The following MFRP variants were observed in gnomAD, a reference collection of about 807,000 sequenced individuals.
MFRP encodes C1q and TNF related 5.
Under a neutral mutation model 65.8 loss-of-function variants are expected in MFRP, and 74 were observed. The observed-to-expected ratio is 1.12, with a 90% CI of 0.93 to 1.36. The LOEUF (loss-of-function observed/expected upper bound fraction) is 1.36. Among genes scored for constraint, MFRP ranks in the 40% most tolerant of loss-of-function variants. The pLI is 0.00. For synonymous variants in MFRP, 336 were observed against 288.3 expected (o/e 1.17, Z -1.68); for missense variants, 838 against 736.0 (o/e 1.14, Z -1.60).
chr11:119,340,328 T>C lies in MFRP; in HGVS notation c.*966A>G. 6.5e-7 allele frequency: 1 copy of C among 1,542,784 alleles called. No individual in the cohort carries two copies. The highest frequency in any genetic ancestry group is 8.7e-7 in the Non-Finnish European group (1 of 1,144,874). On this transcript the variant is annotated 3_prime_UTR_variant, in exon 14 of 15. Transcript: ENST00000619721. The stretch of plus-strand genomic sequence containing the variant: ...GGGTGCCCCGGGCAGAGGCTGGGGA[T>C]CTTGTTGTCGTCCAGTGGGGGCGAG...
chr11:119,342,800 AG>A (rs1950516311), intron 10 of MFRP, 72 bp downstream of exon 10: 1 of 1,612,996 alleles, frequency 6.2e-7, no homozygotes, highest in Non-Finnish European at 8.5e-7. Flanking sequence ...TGTCCTGACC[AG>A]GGTCCAGAGC....
chr11:119,344,343 C>T lies in MFRP; in HGVS notation c.947G>A (p.Ser316Asn). 1.2e-6 allele frequency: 2 copies of T among 1,613,954 alleles called. No individual in the cohort carries two copies. Among genetic ancestry groups the T allele is most frequent in the Non-Finnish European group, 1.7e-6 (2 of 1,179,992 alleles). ...TGLQGTFSTPSYLQQYPHQLL... is the reference protein window; with the variant it reads ...TGLQGTFSTPNYLQQYPHQLL... ...TTGGTGAGGGTACTGCTGCAGGTAG[C>T]TGGGAGTAGAGAAAGTGCCCTGGAG... Residue 316 changes from serine (S) to asparagine (N), a missense_variant, in exon 8 of 15, where the codon AGC (serine) becomes AAC (asparagine). Ser to Asn is a conservative substitution (Grantham distance 46, BLOSUM62 1). Coordinates refer to ENST00000619721, the MANE Select transcript of MFRP (RefSeq NM_031433.4).
rs1168486713 is a variant in MFRP at position 119,344,791 on chromosome 11, G to A, written c.773-34C>T. ...GGGCACCAGGAGTCAGGGAGGCCCG[G>A]AGTCTCCACCCCTTTGACAGGACTG... On this transcript the variant is annotated intron_variant, in intron 6 of 14. Coordinates refer to ENST00000619721, the MANE Select transcript of MFRP (RefSeq NM_031433.4). The A allele has an allele frequency of 2.5e-6, 4 of 1,613,814 alleles. 1 individual carries two copies. The highest frequency in any genetic ancestry group is 3.3e-5 in the Admixed American group (2 of 60,030).
At position 119,339,171 on chromosome 11, in the gene MFRP, C is replaced by A; in HGVS notation, c.*1788G>T. On this transcript the variant is annotated 3_prime_UTR_variant, in exon 15 of 15. Coordinates refer to ENST00000619721, the MANE Select transcript of MFRP (RefSeq NM_031433.4). The surrounding 1 kb of genome is among the most constrained non-coding windows in gnomAD (Gnocchi z 5.4). ...TGCCAGACCTGATCGCAGACAGCCACTGTTCCCATTCCTTGCCAGCAGCAG... is the reference window on the plus strand; with the variant it reads ...TGCCAGACCTGATCGCAGACAGCCAATGTTCCCATTCCTTGCCAGCAGCAG... 1 of 786,444 alleles carries A rather than the reference C, an allele frequency of 1.3e-6. No individual in the cohort carries two copies. The highest frequency in any genetic ancestry group is 2.0e-6 in the Non-Finnish European group (1 of 503,740). The allele number at this position is 786,444 out of a possible 1,614,324, so 48.7% of individuals were successfully genotyped here.
intron 9 of MFRP, 30 bp downstream of exon 9, chr11:119,343,786 T>G (rs775758866): frequency 1.9e-6 from 3 of 1,612,376 alleles, no homozygotes; most frequent in Non-Finnish European, 2.5e-6. Flanking sequence ...GAGGATGGAG[T>G]TATCCATGGC....
At position 119,343,936 on chromosome 11, in the gene MFRP, G is replaced by A. The variant is rs1451912156; in HGVS notation, c.1004C>T (p.Ala335Val). ...GAACTGTAGTTCTATGCTGTGTCCG[G>A]CAGGCACCGAGATATGCCAGGTGCA... is the stretch of plus-strand genomic sequence containing the variant. Reference protein sequence around the residue: ...LLCTWHISVPAGHSIELQFHN... With the variant: ...LLCTWHISVPVGHSIELQFHN... Residue 335 changes from alanine to valine, a missense_variant, in exon 9 of 15, where the codon GCC (alanine) becomes GTC (valine). By Grantham distance (64) the Ala-to-Val change is moderately conservative (BLOSUM62 0). Transcript: ENST00000619721. 1 of 1,613,484 alleles carries A rather than the reference G, an allele frequency of 6.2e-7. No homozygotes were observed. Among genetic ancestry groups the A allele is most frequent in the Non-Finnish European group, 8.5e-7 (1 of 1,179,996 alleles).
At chr11:119,343,986 G>C in intron 8 of MFRP, 22 bp from the exon 9 acceptor site, 1 of 1,610,202 alleles carries the variant, frequency 6.2e-7, no homozygotes, top group East Asian at 2.2e-5. Flanking sequence ...CATAGGTGGA[G>C]CAATTCATGG....
At position 119,342,582 on chromosome 11, in the gene MFRP, G is replaced by A; in HGVS notation, c.1387+14C>T. The A allele has an allele frequency of 1.2e-6, 2 of 1,612,774 alleles. No homozygotes were observed. Among genetic ancestry groups the A allele is most frequent in the South Asian group, 1.1e-5 (1 of 91,018 alleles). On this transcript the variant is annotated intron_variant, in intron 11 of 14. Transcript: ENST00000619721. ...ACCCAGCCTGCTCAGGGTCCCCAGGGGCAGGCTTCTCACCTGGGGGTGGGA... is the reference window on the plus strand; with the variant it reads ...ACCCAGCCTGCTCAGGGTCCCCAGGAGCAGGCTTCTCACCTGGGGGTGGGA...
intron 8 of MFRP, 81 bp downstream of exon 8, chr11:119,344,234 A>T (rs1172603761): frequency 2.3e-6 from 3 of 1,323,504 alleles, no homozygotes; most frequent in East Asian, 4.6e-5. Context: ...AGTGTCTACC[A>T]TGCCATTCCC....
At chr11:119,345,360 T>C (rs1950551419) in intron 5 of MFRP, 60 bp downstream of exon 5, 1 of 1,545,978 alleles carries the variant, frequency 6.5e-7, no homozygotes, top group Non-Finnish European at 8.9e-7. Flanking sequence ...ACTCCCTGAT[T>C]CTGCTCTTTA....
chr11:119,341,488 G>C lies in MFRP; in HGVS notation c.*60C>G. On this transcript the variant is annotated 3_prime_UTR_variant, in exon 13 of 15. Transcript: ENST00000619721. ...GATGCTCCTTCCTTTGTTCCCCTGC[G>C]TGCCAGCCCTGACCGGCAAAAGAGG... The C allele has an allele frequency of 7.1e-7, 1 of 1,410,740 alleles. No homozygotes were observed. Among genetic ancestry groups the C allele is most frequent in the East Asian group, 2.3e-5 (1 of 43,808 alleles). 87.4% of individuals were successfully genotyped at this position (1,410,740 alleles called of 1,614,324 possible). A position where few individuals can be genotyped will look rare whatever the true frequency, so the allele number is the denominator to read the frequency against.
rs369566448 is a variant in MFRP, at chr11:119,345,567, G to T, written c.494C>A (p.Pro165His). ...FSSPNYPDPYPPNTHCVWHIQ... is the reference protein window; with the variant it reads ...FSSPNYPDPYHPNTHCVWHIQ... ...ATGCCACACGCAGTGGGTGTTGGGGGGGTAAGGGTCTGGGTAGTTAGGGCT... is the reference window on the plus strand; with the variant it reads ...ATGCCACACGCAGTGGGTGTTGGGGTGGTAAGGGTCTGGGTAGTTAGGGCT... The change falls in exon 5 of 15, where the codon CCC becomes CAC. Residue 165 changes from proline (P) to histidine (H), a missense_variant. By Grantham distance (77) the Pro-to-His change is moderately conservative. Transcript: ENST00000619721. The T allele has an allele frequency of 6.2e-7, 1 of 1,614,048 alleles. No individual in the cohort carries two copies. Among genetic ancestry groups the T allele is most frequent in the Non-Finnish European group, 8.5e-7 (1 of 1,180,032 alleles).
At chr11:119,345,368 T>C (rs1950551555) in intron 5 of MFRP, 52 bp downstream of exon 5, 2 of 1,569,416 alleles carry the variant, frequency 1.3e-6, no homozygotes, top group East Asian at 4.5e-5. Flanking sequence ...ATTCTGCTCT[T>C]TAGATAGTGG....
chr11:119,344,789 C>T (rs771262916), intron 6 of MFRP, 32 bp from the exon 7 acceptor site: 30 of 1,613,652 alleles, frequency 1.9e-5, no homozygotes, highest in Middle Eastern at 1.6e-4. Flanking sequence ...CAGGGAGGCC[C>T]GGAGTCTCCA....
Position 119,346,220 on chromosome 11 carries a change from T to C in MFRP, c.157+52A>G, listed in dbSNP as rs1051590853. ...CTGTTGGGTATTCCTCATGCTGTCC[T>C]TGGCTCCTGGGCCTCTCTGTCCTCC... is the stretch of plus-strand genomic sequence containing the variant. On this transcript the variant is annotated intron_variant, in intron 2 of 14. Coordinates refer to ENST00000619721, the MANE Select transcript of MFRP (RefSeq NM_031433.4). 2.5e-6 allele frequency: 4 copies of C among 1,570,616 alleles called. No homozygotes were observed. The African/African-American group carries it at 5.4e-5, about 21-fold the overall frequency.
chr11:119,341,022 G>A lies in MFRP; in HGVS notation c.*526C>T, dbSNP rs900864643. The A allele has an allele frequency of 1.3e-4, 23 of 175,976 alleles. No individual in the cohort carries two copies. Among genetic ancestry groups the A allele is most frequent in the Non-Finnish European group, 1.1e-4 (9 of 83,188 alleles). 10.9% of individuals were successfully genotyped at this position (175,976 alleles called of 1,614,324 possible). Reference sequence around the variant, plus strand: ...ACAGAGAGGCAGAACTTCGAGAGACGGACACACAGGGCACCTCCTGTTCCC... The same window carrying A: ...ACAGAGAGGCAGAACTTCGAGAGACAGACACACAGGGCACCTCCTGTTCCC... On this transcript the variant is annotated 3_prime_UTR_variant, in exon 13 of 15. Transcript: ENST00000619721.
Position 119,345,887 on chromosome 11 carries a change from G to A in MFRP, c.313C>T (p.Leu105=), listed in dbSNP as rs751425251. ...APPSGASHSP[L]PAGGLTTTTT... ...GTCGTGGTAAGGCCTCCGGCAGGCAGTGGGCTATGGGACGCCCCAGATGGG... is the reference window on the plus strand; with the variant it reads ...GTCGTGGTAAGGCCTCCGGCAGGCAATGGGCTATGGGACGCCCCAGATGGG... The change falls in exon 4 of 15, where the codon CTG becomes TTG. Residue 105 remains leucine (L), a synonymous_variant. Transcript: ENST00000619721. 6.2e-7 allele frequency: 1 copy of A among 1,613,692 alleles called. No homozygotes were observed. Among genetic ancestry groups the A allele is most frequent in the Admixed American group, 1.7e-5 (1 of 60,024 alleles).
At chr11:119,345,194 C>T (rs976086422) in intron 5 of MFRP, among the ~76,000 whole-genome samples, 190 bp from the exon 6 acceptor site, 23 of 152,348 alleles carry the variant, frequency 1.5e-4, no homozygotes, top group Admixed American at 3.3e-4. Context: ...GTAGCATCTA[C>T]TCATGGGGAG....
Position 119,340,415 on chromosome 11 carries a change from C to T in MFRP, c.*879G>A. On this transcript the variant is annotated 3_prime_UTR_variant, in exon 14 of 15. Coordinates refer to ENST00000619721, the MANE Select transcript of MFRP (RefSeq NM_031433.4). ...GGCCTCATAGCGCTGGCACCGGGAGCCCGGACGCCGGGGTCCTCTCGCAGT... is the reference window on the plus strand; with the variant it reads ...GGCCTCATAGCGCTGGCACCGGGAGTCCGGACGCCGGGGTCCTCTCGCAGT... The T allele has an allele frequency of 1.9e-6, 3 of 1,542,008 alleles. No individual in the cohort carries two copies. Among genetic ancestry groups the T allele is most frequent in the Non-Finnish European group, 2.6e-6 (3 of 1,145,692 alleles).
Sources: allele counts gnomAD v4.1 joint callset (sites outside exome capture counted in the v4.1 genomes callset), GRCh38; gene constraint gnomAD v4.1.1; non-coding constraint Gnocchi (gnomAD v3.1); transcripts MANE v1.5; gene names NCBI Gene and HGNC (gene_info 2026-07-23, HGNC 2026-07-21).